Variants in DGLUCY observed in about 807,000 individuals in gnomAD.
DGLUCY encodes D-glutamate cyclase.
In DGLUCY, 58 loss-of-function variants were observed where a neutral mutation model predicts 58.5. That is an observed-to-expected ratio of 0.99 (90% CI 0.80 to 1.23). The LOEUF (loss-of-function observed/expected upper bound fraction) is 1.23. Ranked by LOEUF, DGLUCY falls within the 50% of genes most tolerant of loss-of-function variation. DGLUCY has a pLI of 0.00. For missense variants in DGLUCY, 779 were observed against 784.7 expected, an observed-to-expected ratio of 0.99 and a Z score of 0.09; for synonymous variants, 325 against 314.1, an observed-to-expected ratio of 1.03 and a Z score of -0.37.
chr14:91,121,564 G>A (rs548172347), intron 1 of DGLUCY, among the ~76,000 whole-genome samples: 6 of 150,744 alleles, frequency 4.0e-5, no homozygotes, highest in African/African-American at 7.3e-5. Flanking sequence ...TGGCGATCGC[G>A]CCACTGCACT....
chr14:91,214,591 T>A (rs1886230047), intron 12 of DGLUCY, among the ~76,000 whole-genome samples: 1 of 152,240 alleles, frequency 6.6e-6, no homozygotes, highest in Admixed American at 6.5e-5. Flanking sequence ...TGGAATGGGT[T>A]TCTACGGTTA....
chr14:91,070,628 G>C (rs2043898961), intron 1 of DGLUCY, among the ~76,000 whole-genome samples: 1 of 152,076 alleles, frequency 6.6e-6, no homozygotes, highest in Non-Finnish European at 1.5e-5. Flanking sequence ...AAGAAAGACA[G>C]GAAAGCCACT....
chr14:91,197,294 G>A (rs1007283191), intron 10 of DGLUCY, among the ~76,000 whole-genome samples: 5 of 152,192 alleles, frequency 3.3e-5, no homozygotes, highest in South Asian at 4.1e-4. Context: ...TAGTAGGGAC[G>A]GGGTTTCGCC....
intron 1 of DGLUCY, among the ~76,000 whole-genome samples, chr14:91,078,322 G>A (rs908906109): frequency 6.6e-6 from 1 of 152,186 alleles, no homozygotes; most frequent in Non-Finnish European, 1.5e-5. Flanking sequence ...GTATGCTAAT[G>A]AGCAATTAGA....
chr14:91,137,906 AG>A (rs2046435467), intron 1 of DGLUCY, among the ~76,000 whole-genome samples: 1 of 152,074 alleles, frequency 6.6e-6, no homozygotes, highest in Non-Finnish European at 1.5e-5. Context: ...CTTGCTTCTG[AG>A]CCCCCCAATG....
chr14:91,201,400 G>A (rs2050551090), intron 11 of DGLUCY, among the ~76,000 whole-genome samples: 2 of 151,762 alleles, frequency 1.3e-5, no homozygotes, highest in South Asian at 4.2e-4. Context: ...CCAGGTTTAA[G>A]CAATTCCCCT....
chr14:91,081,159 C>T (rs953756246), intron 1 of DGLUCY, among the ~76,000 whole-genome samples: 13 of 151,686 alleles, frequency 8.6e-5, no homozygotes, highest in African/African-American at 2.7e-4. Context: ...GCCAAGATCG[C>T]GCCACTGCAC....
At chr14:91,180,958 A>G (rs1306324355) in intron 7 of DGLUCY, among the ~76,000 whole-genome samples, 1 of 152,216 alleles carries the variant, frequency 6.6e-6, no homozygotes, top group Admixed American at 6.5e-5. Context: ...TTTTCAACCC[A>G]TATTCAACTC....
intron 1 of DGLUCY, among the ~76,000 whole-genome samples, chr14:91,067,227 T>C (rs1165666377): frequency 1.3e-5 from 2 of 150,182 alleles, no homozygotes; most frequent in Non-Finnish European, 3.0e-5. Context: ...TAATCACAAA[T>C]GAAAGGGAAC....
At chr14:91,168,661 C>A (rs527892177) in intron 4 of DGLUCY, among the ~76,000 whole-genome samples, 4 of 152,346 alleles carry the variant, frequency 2.6e-5, no homozygotes, top group African/African-American at 9.6e-5. Context: ...GCACCAAACT[C>A]CTCTGTGGAA....
At chr14:91,160,791 G>C (rs936877864) in intron 3 of DGLUCY, among the ~76,000 whole-genome samples, 3 of 152,254 alleles carry the variant, frequency 2.0e-5, no homozygotes, top group Admixed American at 6.5e-5. Flanking sequence ...CTTATTCTCT[G>C]GTGGCACCCA....
chr14:91,165,135 C>A, intron 3 of DGLUCY: 1 of 407,942 alleles, frequency 2.5e-6, no homozygotes, highest in South Asian at 1.8e-5. Flanking sequence ...AGAATATGTC[C>A]AACACATTGT....
intron 1 of DGLUCY, among the ~76,000 whole-genome samples, chr14:91,121,609 A>AAATAAT (rs55743510): frequency 0.015 from 2,080 of 142,776 alleles, 31 homozygotes; most frequent in African/African-American, 0.042. Context: ...TCCATCTCAA[A>AAATAAT]AATAATAATA....
intron 1 of DGLUCY, among the ~76,000 whole-genome samples, chr14:91,120,195 G>T (rs1230294947): frequency 3.3e-5 from 5 of 152,012 alleles, no homozygotes; most frequent in Non-Finnish European, 7.4e-5. Context: ...CTGATGACTC[G>T]CAGCTCTCCC....
chr14:91,166,925 T>C (rs1023425304), intron 3 of DGLUCY, among the ~76,000 whole-genome samples: 10 of 151,900 alleles, frequency 6.6e-5, no homozygotes, highest in Non-Finnish European at 1.5e-4. Context: ...CATGGAACAG[T>C]TGGCCCAACA....
chr14:91,141,068 T>C (rs1471111361), intron 1 of DGLUCY, among the ~76,000 whole-genome samples: 1 of 152,080 alleles, frequency 6.6e-6, no homozygotes, highest in Non-Finnish European at 1.5e-5. Context: ...TCCGACTTTC[T>C]TGAGTGTAAG....
intron 5 of DGLUCY, 44 bp from the exon 6 acceptor site, chr14:91,173,245 C>T (rs756645750): frequency 4.3e-6 from 7 of 1,609,288 alleles, no homozygotes; most frequent in African/African-American, 2.7e-5. Flanking sequence ...GTGCTAATTC[C>T]ATTTTTTAAC....
intron 1 of DGLUCY, among the ~76,000 whole-genome samples, chr14:91,074,388 A>T (rs1429169726): frequency 2.7e-5 from 4 of 150,850 alleles, no homozygotes; most frequent in African/African-American, 9.8e-5. Flanking sequence ...CTGAGGTGGG[A>T]GGATCACTTG....
At chr14:91,155,188 C>T (rs564518993) in intron 1 of DGLUCY, among the ~76,000 whole-genome samples, 6 of 152,172 alleles carry the variant, frequency 3.9e-5, no homozygotes, top group Non-Finnish European at 5.9e-5. Context: ...GGTAATTATG[C>T]GTTTAATGTC....
Sources: allele counts gnomAD v4.1 joint callset (sites outside exome capture counted in the v4.1 genomes callset), GRCh38; gene constraint gnomAD v4.1.1; transcripts MANE v1.5; gene names NCBI Gene and HGNC (gene_info 2026-07-23, HGNC 2026-07-21).